ABHD2: variants seen among roughly 807,000 people sequenced by gnomAD.
The protein encoded by ABHD2 is monoacylglycerol lipase ABHD2.
In ABHD2, 20 loss-of-function variants were observed where a neutral mutation model predicts 48.1. That is an observed-to-expected ratio of 0.42 (90% CI 0.29 to 0.60). The LOEUF is 0.60. ABHD2 is among the 20% of genes least tolerant of loss of function. The pLI is 0.24. For synonymous variants in ABHD2, 209 were observed against 214.2 expected (o/e 0.98, Z 0.21); for missense variants, 405 against 550.9 (o/e 0.74, Z 2.65).
intron 7 of ABHD2, among the ~76,000 whole-genome samples, chr15:89,187,215 A>G (rs2051225585): frequency 6.6e-6 from 1 of 152,226 alleles, no homozygotes; most frequent in African/African-American, 2.4e-5. Flanking sequence ...TAAAGGACCC[A>G]GTCTTGCTAC....
the ABHD2 span, among the ~76,000 whole-genome samples, chr15:89,046,604 C>A: frequency 6.6e-6 from 1 of 152,014 alleles, no homozygotes; most frequent in African/African-American, 2.4e-5. Context: ...AGAGATTCAA[C>A]TTCTTCCTGG....
At chr15:89,115,880 C>A (rs903369293) in intron 2 of ABHD2, among the ~76,000 whole-genome samples, 6 of 152,176 alleles carry the variant, frequency 3.9e-5, no homozygotes, top group African/African-American at 1.4e-4. Flanking sequence ...TTAACACACA[C>A]CTGGGGCACC....
At chr15:89,052,733 C>G in the ABHD2 span, among the ~76,000 whole-genome samples, 1 of 152,134 alleles carries the variant, frequency 6.6e-6, no homozygotes, top group Admixed American at 6.6e-5. Context: ...GGCCATCCAG[C>G]CAATACCCTG....
At chr15:89,153,921 T>C (rs932576367) in intron 4 of ABHD2, among the ~76,000 whole-genome samples, 4 of 152,252 alleles carry the variant, frequency 2.6e-5, no homozygotes, top group African/African-American at 9.6e-5. Flanking sequence ...TAATAATTGC[T>C]TAATATTCTA....
intron 1 of ABHD2, among the ~76,000 whole-genome samples, chr15:89,110,794 T>A (rs1022755427): frequency 1.1e-4 from 16 of 152,068 alleles, no homozygotes; most frequent in Non-Finnish European, 1.9e-4. Flanking sequence ...GAATTGAATT[T>A]TAAAACCTTG....
Position 89,114,728 on chromosome 15 carries a change from C to T in ABHD2, c.-7+904C>T, listed in dbSNP as rs147369953. On this transcript the variant is annotated intron_variant, in intron 2 of 10. Transcript: ENST00000352732. The surrounding 1 kb of genome is among the most constrained non-coding windows in gnomAD (Gnocchi z 4.2). ...CGAACTCCTGAGCTCAAGTGATCCA[C>T]CCACTTTGGCCTCCCAAAGTGCATG... Among the ~76,000 whole-genome samples, 759 of 152,260 alleles carry T rather than the reference C, an allele frequency of 5.0e-3. 10 individuals are homozygous for T. Among genetic ancestry groups the T allele is most frequent in the Non-Finnish European group, 7.6e-3 (519 of 68,000 alleles).
chr15:89,053,127 T>C, the ABHD2 span, among the ~76,000 whole-genome samples: 1 of 151,924 alleles, frequency 6.6e-6, no homozygotes, highest in Non-Finnish European at 1.5e-5. Flanking sequence ...CCACCACGCC[T>C]GGCCAATTTT....
chr15:89,116,110 A>G lies in ABHD2; in HGVS notation c.-6-212A>G, dbSNP rs1596077437. On this transcript the variant is annotated intron_variant, in intron 2 of 10. Transcript: ENST00000352732. The surrounding 1 kb of genome is among the most constrained non-coding windows in gnomAD (Gnocchi z 4.6). ...AGAAAACACAGTACCCAGTTTATCCATGCTCAGACTGTTTGTGATTTGGAT... is the reference window on the plus strand; with the variant it reads ...AGAAAACACAGTACCCAGTTTATCCGTGCTCAGACTGTTTGTGATTTGGAT... Among the ~76,000 whole-genome samples, 1 of 152,254 alleles carries G rather than the reference A, an allele frequency of 6.6e-6. No homozygotes were observed. Among genetic ancestry groups the G allele is most frequent in the Admixed American group, 6.5e-5 (1 of 15,288 alleles).
At chr15:89,190,963 A>T in intron 8 of ABHD2, 117 bp from the exon 9 acceptor site, 1 of 923,152 alleles carries the variant, frequency 1.1e-6, no homozygotes, top group Non-Finnish European at 1.7e-6. Context: ...GCCTCTGTCT[A>T]CTCTACCAAT....
Position 89,201,251 on chromosome 15 carries a change from G to C in ABHD2, c.*5828G>C, listed in dbSNP as rs1344385745. 2 of 1,248,734 alleles carry C rather than the reference G, an allele frequency of 1.6e-6. No homozygotes were observed. The highest frequency in any genetic ancestry group is 3.0e-5 in the African/African-American group (2 of 66,042). 77.4% of individuals were successfully genotyped at this position (1,248,734 alleles called of 1,614,324 possible). A position where few individuals can be genotyped will look rare whatever the true frequency, so the allele number is the denominator to read the frequency against. The stretch of plus-strand genomic sequence containing the variant: ...ATCTCTCAGGTGTTGATTTGCTTCT[G>C]ATAGCTTCATCATTTCTCCCTGAAG... On this transcript the variant is annotated 3_prime_UTR_variant, in exon 11 of 11. Coordinates refer to ENST00000352732, the MANE Select transcript of ABHD2 (RefSeq NM_152924.5).
Position 89,102,085 on chromosome 15 carries a change from C to G in ABHD2, c.-106-11640C>G, listed in dbSNP as rs1261796958. Among the ~76,000 whole-genome samples the G allele has an allele frequency of 1.1e-4, 16 of 152,124 alleles. No individual in the cohort carries two copies. Among genetic ancestry groups the G allele is most frequent in the Admixed American group, 1.0e-3 (16 of 15,278 alleles). ...TCCATAATGACTCACTGCCACTGCT[C>G]CAAAACACACCCCTCTTGTCCATCT... On this transcript the variant is annotated intron_variant, in intron 1 of 10. Coordinates refer to ENST00000352732, the MANE Select transcript of ABHD2 (RefSeq NM_152924.5). The surrounding 1 kb of genome is among the most constrained non-coding windows in gnomAD (Gnocchi z 4.8).
At chr15:89,133,996 C>T (rs542807959) in intron 3 of ABHD2, among the ~76,000 whole-genome samples, 1 of 152,112 alleles carries the variant, frequency 6.6e-6, no homozygotes, top group Admixed American at 6.5e-5. Context: ...GCCACCACGA[C>T]CGGCTAATTT....
chr15:89,108,553 A>G (rs1443148395), intron 1 of ABHD2, among the ~76,000 whole-genome samples: 2 of 152,186 alleles, frequency 1.3e-5, no homozygotes, highest in African/African-American at 4.8e-5. Context: ...GAGGGTCCCT[A>G]TTCAACTTGC....
the ABHD2 span, among the ~76,000 whole-genome samples, chr15:89,044,434 G>C: frequency 6.6e-6 from 1 of 152,064 alleles, no homozygotes; most frequent in African/African-American, 2.4e-5. Flanking sequence ...TGGGATGGCT[G>C]GGTCAAATGG....
chr15:89,135,453 C>A, intron 3 of ABHD2: 1 of 697,510 alleles, frequency 1.4e-6, no homozygotes, highest in East Asian at 2.5e-5. Flanking sequence ...CTTACACAGC[C>A]TTACATTTCA....
intron 6 of ABHD2, chr15:89,183,401 A>G (rs1596156179): frequency 8.1e-6 from 1 of 123,054 alleles, no homozygotes; most frequent in East Asian, 2.0e-4. Flanking sequence ...ATATATATAT[A>G]TATATATATA....
the ABHD2 span, among the ~76,000 whole-genome samples, chr15:89,050,591 C>G: frequency 6.6e-6 from 1 of 152,206 alleles, no homozygotes; most frequent in Non-Finnish European, 1.5e-5. Flanking sequence ...TCCTGGGGAT[C>G]CAATCTGTTC....
chr15:89,052,243 G>A, the ABHD2 span, among the ~76,000 whole-genome samples: 6 of 152,066 alleles, frequency 3.9e-5, no homozygotes, highest in Non-Finnish European at 5.9e-5. Context: ...TTTTGTCTTG[G>A]GTATGGAATG....
chr15:89,149,751 T>G (rs1156424014), intron 3 of ABHD2, among the ~76,000 whole-genome samples: 1 of 152,250 alleles, frequency 6.6e-6, no homozygotes, highest in East Asian at 1.9e-4. Flanking sequence ...GTACCTGTTC[T>G]GGCTGGAGTT....
Sources: allele counts gnomAD v4.1 joint callset (sites outside exome capture counted in the v4.1 genomes callset), GRCh38; gene constraint gnomAD v4.1.1; non-coding constraint Gnocchi (gnomAD v3.1); transcripts MANE v1.5; gene names NCBI Gene and HGNC (gene_info 2026-07-23, HGNC 2026-07-21).